TFAP2D: variants seen among roughly 807,000 people sequenced by gnomAD.
The protein encoded by TFAP2D is transcription factor AP-2-delta.
In TFAP2D, 9 loss-of-function variants were observed where a neutral mutation model predicts 43.6. The ratio of observed to expected loss-of-function variants is 0.21; its 90% CI spans 0.12 to 0.36. The LOEUF (loss-of-function observed/expected upper bound fraction) is 0.36, where lower values mean the gene tolerates loss of function less well. TFAP2D is among the 10% of genes least tolerant of loss of function. The pLI, the probability that TFAP2D is intolerant of heterozygous loss-of-function variation, is 1.00. For synonymous variants in TFAP2D, 256 were observed against 224.9 expected, an observed-to-expected ratio of 1.14 and a Z score of -1.24; for missense variants, 513 against 561.4, an observed-to-expected ratio of 0.91 and a Z score of 0.87.
chr6:50,729,390 T>C (rs1355587642), intron 5 of TFAP2D, 78 bp downstream of exon 5: 6 of 1,273,218 alleles, frequency 4.7e-6, no homozygotes, highest in Admixed American at 1.8e-5. Flanking sequence ...AATTATGCTG[T>C]TTTATTTTTG....
At chr6:50,745,052 A>G (rs1769106051) in intron 5 of TFAP2D, 55 bp from the exon 6 acceptor site, 2 of 1,600,172 alleles carry the variant, frequency 1.2e-6, no homozygotes, top group Admixed American at 1.8e-5. Flanking sequence ...GCAAGACACT[A>G]CTGTTATTAA....
intron 7 of TFAP2D, among the ~76,000 whole-genome samples, chr6:50,765,388 G>T (rs1274901183): frequency 6.6e-6 from 1 of 152,106 alleles, no homozygotes; most frequent in Non-Finnish European, 1.5e-5. Flanking sequence ...ACCAGAAATG[G>T]GATTGCAGGA....
intron 3 of TFAP2D, among the ~76,000 whole-genome samples, chr6:50,723,950 C>T (rs1768768819): frequency 6.6e-6 from 1 of 152,148 alleles, no homozygotes; most frequent in African/African-American, 2.4e-5. Context: ...AGGAGAAGCT[C>T]ATTCGGCCCT....
chr6:50,749,313 G>A (rs1388619114), intron 6 of TFAP2D, among the ~76,000 whole-genome samples: 1 of 151,544 alleles, frequency 6.6e-6, no homozygotes, highest in African/African-American at 2.4e-5. Context: ...ATTCATACAG[G>A]AACAAAGTTG....
chr6:50,771,471 G>C (rs1417683177), intron 7 of TFAP2D, among the ~76,000 whole-genome samples: 1 of 152,158 alleles, frequency 6.6e-6, no homozygotes, highest in Non-Finnish European at 1.5e-5. Context: ...TGGAAAAGGA[G>C]AATGAAGTCA....
intron 7 of TFAP2D, among the ~76,000 whole-genome samples, chr6:50,768,474 C>T (rs1359312535): frequency 6.6e-6 from 1 of 151,934 alleles, no homozygotes; most frequent in Non-Finnish European, 1.5e-5. Context: ...TCTGAGATTA[C>T]AGGCATGAGC....
chr6:50,723,844 C>T (rs1226439692), intron 3 of TFAP2D, among the ~76,000 whole-genome samples: 1 of 152,142 alleles, frequency 6.6e-6, no homozygotes, highest in Non-Finnish European at 1.5e-5. Context: ...CCGCCATACA[C>T]ACACCCTAAT....
intron 6 of TFAP2D, among the ~76,000 whole-genome samples, chr6:50,746,873 C>A (rs1197260268): frequency 6.6e-6 from 1 of 151,986 alleles, no homozygotes; most frequent in East Asian, 1.9e-4. Flanking sequence ...TCTGAAAGTA[C>A]TAGATTATCT....
intron 1 of TFAP2D, 55 bp downstream of exon 1, chr6:50,714,149 C>T: frequency 6.6e-7 from 1 of 1,509,114 alleles, no homozygotes; most frequent in Non-Finnish European, 8.9e-7. Context: ...GTGGCGGCGG[C>T]GGCGGTGGCG....
chr6:50,714,947 G>C (rs572088653), intron 1 of TFAP2D, among the ~76,000 whole-genome samples, 169 bp from the exon 2 acceptor site: 1 of 152,234 alleles, frequency 6.6e-6, no homozygotes, highest in Admixed American at 6.5e-5. Context: ...GTTTGCAAAG[G>C]CTCTCTGGTG....
Position 50,715,564 on chromosome 6 carries a change from T to C in TFAP2D, c.488T>C (p.Leu163Pro). 1 of 1,608,336 alleles carries C rather than the reference T, an allele frequency of 6.2e-7. No individual in the cohort carries two copies. The highest frequency in any genetic ancestry group is 8.5e-7 in the Non-Finnish European group (1 of 1,177,862). The change falls in exon 2 of 8, where the codon CTG (leucine) becomes CCG (proline). Residue 163 changes from leucine (L) to proline (P), a missense_variant. Physicochemically the swap from Leu to Pro is moderately conservative, Grantham distance 98. Around this residue, in one of 3 missense-constraint regions of TFAP2D, gnomAD observed 311 missense variants for 316.2 expected, o/e 0.98. Transcript: ENST00000008391. ...QYGMHPDQRLLPGPSLGLAAA... is the reference protein window; with the variant it reads ...QYGMHPDQRLPPGPSLGLAAA... The stretch of plus-strand genomic sequence containing the variant: ...GGAATGCACCCAGATCAAAGACTCC[T>C]GCCAGGGCCCAGCCTGGGGCTGGCC...
intron 7 of TFAP2D, among the ~76,000 whole-genome samples, chr6:50,763,067 T>TA (rs1161147139): frequency 1.3e-5 from 2 of 152,128 alleles, no homozygotes; most frequent in Non-Finnish European, 2.9e-5. Context: ...ATTTGCTTTT[T>TA]ACCCAAGTGG....
At chr6:50,723,877 C>T (rs1371734210) in intron 3 of TFAP2D, among the ~76,000 whole-genome samples, 2 of 152,180 alleles carry the variant, frequency 1.3e-5, no homozygotes, top group African/African-American at 2.4e-5. Flanking sequence ...ACACCTACCG[C>T]CACATTAAAC....
intron 3 of TFAP2D, 71 bp downstream of exon 3, chr6:50,719,221 G>C: frequency 6.7e-7 from 1 of 1,500,094 alleles, no homozygotes; most frequent in Non-Finnish European, 9.2e-7. Context: ...TAGAAGATCT[G>C]GTTGTGCTCA....
At chr6:50,763,750 A>G (rs1268794388) in intron 7 of TFAP2D, among the ~76,000 whole-genome samples, 1 of 152,190 alleles carries the variant, frequency 6.6e-6, no homozygotes, top group Non-Finnish European at 1.5e-5. Flanking sequence ...GAAGCCAGTC[A>G]TGAAAGTCTA....
At chr6:50,744,999 A>G (rs1199485981) in intron 5 of TFAP2D, 108 bp from the exon 6 acceptor site, 1 of 1,382,576 alleles carries the variant, frequency 7.2e-7, no homozygotes, top group Admixed American at 2.5e-5. Context: ...AGTAGGAAAA[A>G]TGATTTGTCT....
chr6:50,717,888 C>G (rs1224950962), intron 2 of TFAP2D, among the ~76,000 whole-genome samples: 3 of 152,190 alleles, frequency 2.0e-5, no homozygotes, highest in Non-Finnish European at 4.4e-5. Context: ...TTAAAACATT[C>G]ATCAGCATAT....
chr6:50,751,447 T>G, intron 7 of TFAP2D, 123 bp downstream of exon 7: 1 of 660,326 alleles, frequency 1.5e-6, no homozygotes, highest in South Asian at 1.9e-5. Context: ...TCCTTTCAGA[T>G]GGGCTATAAC....
intron 5 of TFAP2D, among the ~76,000 whole-genome samples, chr6:50,744,252 T>C (rs1311617835): frequency 6.6e-6 from 1 of 152,158 alleles, no homozygotes; most frequent in African/African-American, 2.4e-5. Context: ...TTTGTGTCCA[T>C]GTGTTCTCAT....
Sources: allele counts gnomAD v4.1 joint callset (sites outside exome capture counted in the v4.1 genomes callset), GRCh38; gene constraint gnomAD v4.1.1; regional missense constraint gnomAD v4.1.1; transcripts MANE v1.5; gene names NCBI Gene and HGNC (gene_info 2026-07-23, HGNC 2026-07-21).